Variants in MGAT4C observed in about 807,000 individuals in gnomAD.
MGAT4C encodes the protein MGAT4 family member C.
In MGAT4C, 19 loss-of-function variants were observed where a neutral mutation model predicts 40.1. The ratio of observed to expected loss-of-function variants is 0.47; its 90% CI spans 0.33 to 0.70. The LOEUF is 0.70. Ranked by LOEUF, MGAT4C falls within the 30% of genes least tolerant of loss-of-function variation. The probability of loss-of-function intolerance (pLI) is 0.02; values close to 1 mark genes in which losing one functional copy is unlikely to be tolerated. For missense variants in MGAT4C, 491 were observed against 563.2 expected, an observed-to-expected ratio of 0.87 and a Z score of 1.30; for synonymous variants, 181 against 187.1, an observed-to-expected ratio of 0.97 and a Z score of 0.27.
Position 86,607,522 on chromosome 12 carries a change from C to A in MGAT4C, c.-229+119687G>T, listed in dbSNP as rs1962084380. The stretch of plus-strand genomic sequence containing the variant: ...TAACAAAATTTTTACTAACATGAGA[C>A]ATTATTCTCCATCACAGGGCTGTTT... On this transcript the variant is annotated intron_variant, in intron 2 of 7. Transcript: ENST00000548651. Among the ~76,000 whole-genome samples the A allele has an allele frequency of 2.6e-5, 4 of 152,056 alleles. No individual in the cohort carries two copies. In the South Asian group the frequency reaches 6.2e-4, roughly 24 times the overall value.
chr12:86,585,097 A>G (rs1960958214), intron 2 of MGAT4C, among the ~76,000 whole-genome samples: 1 of 151,332 alleles, frequency 6.6e-6, no homozygotes, highest in South Asian at 2.1e-4. Context: ...TTCTTTAAAA[A>G]CTAAAATTTT....
At chr12:86,663,222 C>T (rs908153322) in intron 2 of MGAT4C, among the ~76,000 whole-genome samples, 1 of 151,306 alleles carries the variant, frequency 6.6e-6, no homozygotes, top group South Asian at 2.1e-4. Context: ...TAGTTGGACA[C>T]AGTAGTGCAT....
intron 2 of MGAT4C, among the ~76,000 whole-genome samples, chr12:86,503,199 CAT>C (rs1174110048): frequency 1.3e-3 from 20 of 15,404 alleles, no homozygotes; most frequent in African/African-American, 2.6e-3. Context: ...GAGTTCTGCT[CAT>C]ATATATATAT....
intron 2 of MGAT4C, among the ~76,000 whole-genome samples, chr12:86,493,716 G>A (rs928510421): frequency 6.6e-6 from 1 of 151,924 alleles, no homozygotes; most frequent in Admixed American, 6.6e-5. Context: ...GTTAATGGAT[G>A]CAGCACACCA....
Position 86,203,975 on chromosome 12 carries a change from A to AATATAT in MGAT4C, c.-57+52258_-57+52263dup, listed in dbSNP as rs56952745. Reference sequence around the variant, plus strand: ...TTCGTCTCAAAAAAAAAAAAAAAGAAATATATATATATATATATGCCTTAT... The same window carrying AATATAT: ...TTCGTCTCAAAAAAAAAAAAAAAGAAATATATATATATATATATATATATGCCTTAT... On this transcript the variant is annotated intron_variant, in intron 1 of 4. Transcript: ENST00000611864. 4.4e-5 allele frequency among the ~76,000 whole-genome samples: 6 copies of AATATAT among 137,100 alleles called. 1 individual carries two copies. Among genetic ancestry groups the AATATAT allele is most frequent in the Non-Finnish European group, 9.8e-5 (6 of 61,098 alleles). 89.9% of individuals were successfully genotyped at this position (137,100 alleles called of 152,430 possible).
chr12:86,561,541 T>C (rs1199373372), intron 2 of MGAT4C, among the ~76,000 whole-genome samples: 1 of 152,178 alleles, frequency 6.6e-6, no homozygotes, highest in African/African-American at 2.4e-5. Context: ...TATTCACCTT[T>C]TGGACTCTTG....
In MGAT4C at chr12:86,362,121, T is replaced by C. The variant is rs190941710; in HGVS notation, c.-119-27994A>G. 2.0e-5 allele frequency among the ~76,000 whole-genome samples: 3 copies of C among 152,160 alleles called. No individual in the cohort carries two copies. In the East Asian group the frequency reaches 5.8e-4, roughly 29 times the overall value. ...TCAATGATAGACTGGATTAAGAAAA[T>C]GTAGCACATATACACCATGGAATAC... is the stretch of plus-strand genomic sequence containing the variant. On this transcript the variant is annotated intron_variant, in intron 3 of 7. Coordinates refer to the MGAT4C transcript ENST00000548651.
At chr12:86,188,676 C>T (rs1448644454) in intron 1 of MGAT4C, among the ~76,000 whole-genome samples, 3 of 151,888 alleles carry the variant, frequency 2.0e-5, no homozygotes, top group African/African-American at 7.2e-5. Context: ...GTGCATTTTA[C>T]TTTATATTTA....
intron 3 of MGAT4C, among the ~76,000 whole-genome samples, chr12:86,417,163 T>A (rs970212376): frequency 2.0e-5 from 3 of 151,996 alleles, no homozygotes; most frequent in Non-Finnish European, 4.4e-5. Flanking sequence ...AGTTGAATAT[T>A]TTTTTTTCAA....
At chr12:86,069,666 A>G (rs965415811) in intron 1 of MGAT4C, among the ~76,000 whole-genome samples, 1 of 152,132 alleles carries the variant, frequency 6.6e-6, no homozygotes, top group Non-Finnish European at 1.5e-5. Context: ...TGCCCAATAT[A>G]TTAGGTAACT....
chr12:86,760,227 T>C (rs1037753762), intron 1 of MGAT4C, among the ~76,000 whole-genome samples: 10 of 152,028 alleles, frequency 6.6e-5, no homozygotes, highest in East Asian at 3.9e-4. Flanking sequence ...AGCAGAAGAA[T>C]GAAAGTAGAC....
chr12:86,772,109 G>A (rs1482184981), intron 1 of MGAT4C, among the ~76,000 whole-genome samples: 60 of 152,156 alleles, frequency 3.9e-4, no homozygotes, highest in Admixed American at 3.9e-3. Context: ...CATCAAGGTT[G>A]TGGCTGAATG....
chr12:86,305,463 G>T (rs1319478440), intron 4 of MGAT4C, among the ~76,000 whole-genome samples: 2 of 146,212 alleles, frequency 1.4e-5, no homozygotes, highest in East Asian at 4.0e-4. Context: ...AAAAAAGAAA[G>T]AAAGAAATGC....
intron 1 of MGAT4C, among the ~76,000 whole-genome samples, chr12:86,811,336 A>ATTTTTTTTTTTTTTTTTT (rs553885593): frequency 1.3e-4 from 14 of 106,946 alleles, no homozygotes; most frequent in Non-Finnish European, 2.2e-4. Context: ...CACTCATAGT[A>ATTTTTTTTTTTTTTTTTT]TTTTTTTTTT....
In MGAT4C at chr12:85,958,765, TACTA is replaced by T. The variant is rs1172229286; in HGVS notation, c.*20520_*20523del. The T allele has an allele frequency of 5.3e-5, 8 of 152,186 alleles. No homozygotes were observed. The highest frequency in any genetic ancestry group is 1.0e-4 in the Non-Finnish European group (7 of 67,988). The allele number at this position is 152,186 out of a possible 1,614,324, so 9.4% of individuals were successfully genotyped here. ...TAAAATTAATAAAAAGATTAACTGT[TACTA>T]AATTAAAGCTCCTTCAAAAACATAA... is the stretch of plus-strand genomic sequence containing the variant. On this transcript the variant is annotated 3_prime_UTR_variant, in exon 5 of 5. Coordinates refer to ENST00000611864, the MANE Select transcript of MGAT4C (RefSeq NM_001351288.2).
At chr12:86,729,159 G>C (rs995519880) in intron 1 of MGAT4C, among the ~76,000 whole-genome samples, 2 of 152,002 alleles carry the variant, frequency 1.3e-5, no homozygotes, top group Non-Finnish European at 2.9e-5. Flanking sequence ...AGCACCACAG[G>C]GTAAGTATAG....
At chr12:86,316,914 TAATGA>T (rs1316360061) in intron 4 of MGAT4C, among the ~76,000 whole-genome samples, 1 of 151,776 alleles carries the variant, frequency 6.6e-6, no homozygotes, top group Non-Finnish European at 1.5e-5. Flanking sequence ...GCCAAAAAAG[TAATGA>T]AATGAAGCAA....
intron 4 of MGAT4C, among the ~76,000 whole-genome samples, chr12:86,325,153 C>T (rs1176639986): frequency 3.3e-5 from 5 of 152,002 alleles, no homozygotes; most frequent in African/African-American, 9.7e-5. Flanking sequence ...AGTAAGTATA[C>T]ATTCAAGTAC....
At chr12:86,791,230 G>T (rs931400617) in intron 1 of MGAT4C, among the ~76,000 whole-genome samples, 4 of 152,042 alleles carry the variant, frequency 2.6e-5, no homozygotes, top group African/African-American at 9.7e-5. Flanking sequence ...AAGTCAGAAA[G>T]AACAAGTATC....
Sources: gnomAD v4.1 joint callset for allele counts (sites outside exome capture counted in the v4.1 genomes callset) on GRCh38, gnomAD v4.1.1 for gene constraint, MANE v1.5 for transcripts, NCBI Gene and HGNC (gene_info 2026-07-23, HGNC 2026-07-21) for gene names.